Variants in VGF observed in about 807,000 individuals in gnomAD.
VGF encodes neurosecretory protein VGF.
Under a neutral mutation model 41.1 loss-of-function variants are expected in VGF, and 13 were observed. The observed-to-expected ratio is 0.32, with a 90% CI of 0.21 to 0.50. The LOEUF (loss-of-function observed/expected upper bound fraction) is 0.50. Among genes scored for constraint, VGF ranks in the 20% least tolerant of loss-of-function variants. The probability of loss-of-function intolerance (pLI) is 0.98; values close to 1 mark genes in which losing one functional copy is unlikely to be tolerated. For missense variants in VGF, 920 were observed against 882.1 expected (o/e 1.04, Z -0.54); for synonymous variants, 473 against 418.3 (o/e 1.13, Z -1.60).
Position 101,164,699 on chromosome 7 carries a change from G to T in VGF, c.145C>A (p.Pro49Thr). Reference protein sequence around the residue: ...HKEPVAGDAVPGPKDGSAPEV... With the variant: ...HKEPVAGDAVTGPKDGSAPEV... ...GGGGCGCTGCCATCCTTTGGCCCGG[G>T]CACTGCGTCCCCGGCTACCGGCTCT... Residue 49 changes from proline to threonine, a missense_variant, in exon 2 of 2, where the codon CCC (proline) becomes ACC (threonine). Physicochemically the swap from Pro to Thr is conservative, Grantham distance 38. Transcript: ENST00000249330. 1 of 1,605,368 alleles carries T rather than the reference G, an allele frequency of 6.2e-7. No homozygotes were observed.
chr7:101,165,658 C>T, upstream of VGF: 1 of 985,376 alleles, frequency 1.0e-6, no homozygotes, highest in East Asian at 1.1e-4. Flanking sequence ...AATGTTCATT[C>T]ATGGGGAAGC....
Position 101,162,960 on chromosome 7 carries a change from GGCGGGGGCGC to G in VGF, c.*26_*35del, listed in dbSNP as rs764988113. ...GAGGGGGGCGCCGGCGCGCGCGCGC[GGCGGGGGCGC>G]GCGGGGGCGGGACCGGGAAGGGCAG... On this transcript the variant is annotated 3_prime_UTR_variant, in exon 2 of 2. Transcript: ENST00000249330. The surrounding 1 kb of genome is among the most constrained non-coding windows in gnomAD (Gnocchi z 4.2). 5.0e-5 allele frequency: 57 copies of G among 1,136,790 alleles called. 1 individual carries two copies. The highest frequency in any genetic ancestry group is 4.4e-4 in the South Asian group (16 of 36,016). 70.4% of individuals were successfully genotyped at this position (1,136,790 alleles called of 1,614,324 possible).
In VGF at chr7:101,163,636, A is replaced by T. The variant is rs763287090; in HGVS notation, c.1208T>A (p.Leu403His). 1 of 1,543,702 alleles carries T rather than the reference A, an allele frequency of 6.5e-7. No homozygotes were observed. Among genetic ancestry groups the T allele is most frequent in the South Asian group, 1.2e-5 (1 of 84,884 alleles). The change falls in exon 2 of 2, where the codon CTC becomes CAC. Residue 403 changes from leucine to histidine, a missense_variant. Leu to His is a moderately conservative substitution (Grantham distance 99, BLOSUM62 -3). Coordinates refer to ENST00000249330, the MANE Select transcript of VGF (RefSeq NM_003378.4). The surrounding 1 kb of genome is among the most constrained non-coding windows in gnomAD (Gnocchi z 5.0). ...EEAERARQNA[L>H]LFAEEEDGEA... ...CCCGTCCTCCTCCTCCGCGAACAGG[A>T]GCGCGTTCTGCCGCGCCCTCTCCGC...
chr7:101,163,387 G>T lies in VGF; in HGVS notation c.1457C>A (p.Ala486Asp). ...VEEKRKRKKNAPPEPVPPPRA... is the reference protein window; with the variant it reads ...VEEKRKRKKNDPPEPVPPPRA... ...GGGGGGCGGCACGGGCTCGGGAGGG[G>T]CGTTCTTCTTCCGCTTCCGCTTCTC... The change falls in exon 2 of 2, where the codon GCC becomes GAC. Residue 486 changes from alanine (A) to aspartate (D), a missense_variant. Physicochemically the swap from Ala to Asp is moderately radical, Grantham distance 126. Coordinates refer to ENST00000249330, the MANE Select transcript of VGF (RefSeq NM_003378.4). The surrounding 1 kb of genome is among the most constrained non-coding windows in gnomAD (Gnocchi z 5.0). 1 of 1,595,152 alleles carries T rather than the reference G, an allele frequency of 6.3e-7. No individual in the cohort carries two copies. Among genetic ancestry groups the T allele is most frequent in the Non-Finnish European group, 8.5e-7 (1 of 1,177,610 alleles).
In VGF at chr7:101,164,643, C is replaced by A. The variant is rs764198367; in HGVS notation, c.201G>T (p.Pro67=). The change falls in exon 2 of 2, where the codon CCG becomes CCT. Residue 67 remains proline (P), a synonymous_variant. Transcript: ENST00000249330. The part of the protein sequence containing the change: ...PEVRGARNSE[P]QDEGELFQGV... ...CCTGGAAAAGCTCTCCCTCGTCCTG[C>A]GGCTCGGAATTCCGAGCGCCTCGGA... is the stretch of plus-strand genomic sequence containing the variant. 2 of 1,594,160 alleles carry A rather than the reference C, an allele frequency of 1.3e-6. No homozygotes were observed. The highest frequency in any genetic ancestry group is 1.7e-4 in the Middle Eastern group (1 of 6,004).
In VGF at chr7:101,164,808, G is replaced by T; in HGVS notation, c.36C>A (p.Phe12Leu). ...CTAACCCGTTGATCAGCAGAAGGCA[G>T]AAGAGGGCGGAAGCCGACAATCTGA... ...KALRLSASAL[F>L]CLLLINGLGA... is the part of the protein sequence containing the mutation. Residue 12 changes from phenylalanine (F) to leucine (L), a missense_variant, in exon 2 of 2, where the codon TTC becomes TTA. This residue lies in a region of VGF where 654 missense variants were observed against 638.4 expected (regional missense o/e 1.02). Transcript: ENST00000249330. 1 of 1,575,920 alleles carries T rather than the reference G, an allele frequency of 6.3e-7. No homozygotes were observed. Among genetic ancestry groups the T allele is most frequent in the Non-Finnish European group, 8.6e-7 (1 of 1,156,934 alleles).
Position 101,164,164 on chromosome 7 carries a change from G to A in VGF, c.680C>T (p.Ala227Val), listed in dbSNP as rs1260876569. The A allele has an allele frequency of 2.0e-6, 3 of 1,510,710 alleles. No homozygotes were observed. Among genetic ancestry groups the A allele is most frequent in the Non-Finnish European group, 1.8e-6 (2 of 1,137,420 alleles). 93.6% of individuals were successfully genotyped at this position (1,510,710 alleles called of 1,614,324 possible). The change falls in exon 2 of 2, where the codon GCC becomes GTC. Residue 227 changes from alanine (A) to valine (V), a missense_variant. Physicochemically the swap from Ala to Val is moderately conservative, Grantham distance 64. This residue lies in a region of VGF where 654 missense variants were observed against 638.4 expected (regional missense o/e 1.02). Coordinates refer to ENST00000249330, the MANE Select transcript of VGF (RefSeq NM_003378.4). Reference sequence around the variant, plus strand: ...CATACGCGCCTGGAATTGAGAGGGGGCCGGGGGCGGCAGGGGCGCGCGCTC... The same window carrying A: ...CATACGCGCCTGGAATTGAGAGGGGACCGGGGGCGGCAGGGGCGCGCGCTC... ...VPERAPLPPP[A>V]PSQFQARMPD...
chr7:101,163,824 C>A lies in VGF; in HGVS notation c.1020G>T (p.Gly340=). 1 of 1,531,486 alleles carries A rather than the reference C, an allele frequency of 6.5e-7. No individual in the cohort carries two copies. The highest frequency in any genetic ancestry group is 8.7e-7 in the Non-Finnish European group (1 of 1,144,682). 94.9% of individuals were successfully genotyped at this position (1,531,486 alleles called of 1,614,324 possible). Residue 340 remains glycine (G), a synonymous_variant, in exon 2 of 2, where the codon GGG becomes GGT. Coordinates refer to ENST00000249330, the MANE Select transcript of VGF (RefSeq NM_003378.4). This position sits in a 1 kb window ranked among gnomAD's most constrained non-coding sequence, Gnocchi z 5.0. The stretch of plus-strand genomic sequence containing the variant: ...GACCCCCGAGGCCGCGCTGCCGGGC[C>A]CCGCCCTGCAGCAAATACTGGAGCA... ...DLLLQYLLQG[G]ARQRGLGGRG...
At chr7:101,168,704 G>A (rs1028771236), upstream of VGF, among the ~76,000 whole-genome samples, 6 of 152,138 alleles carry the variant, frequency 3.9e-5, no homozygotes, top group Non-Finnish European at 7.4e-5. Flanking sequence ...GTCCAGCATC[G>A]TAGGGTTCCA....
chr7:101,166,823 G>GCA (rs1797227335), upstream of VGF, among the ~76,000 whole-genome samples: 1 of 144,518 alleles, frequency 6.9e-6, no homozygotes, highest in African/African-American at 2.6e-5. Context: ...AGGAGAGGGT[G>GCA]GCAAGGGGGG....
In VGF at chr7:101,163,819, C is replaced by T. The variant is rs953144972; in HGVS notation, c.1025G>A (p.Arg342Gln). 8.5e-6 allele frequency: 13 copies of T among 1,531,290 alleles called. No homozygotes were observed. The highest frequency in any genetic ancestry group is 1.0e-5 in the Non-Finnish European group (12 of 1,144,254). 94.9% of individuals were successfully genotyped at this position (1,531,290 alleles called of 1,614,324 possible). A position where few individuals can be genotyped will look rare whatever the true frequency, so the allele number is the denominator to read the frequency against. Reference protein sequence around the residue: ...LLQYLLQGGARQRGLGGRGLQ... With the variant: ...LLQYLLQGGAQQRGLGGRGLQ... ...CCCCCGACCCCCGAGGCCGCGCTGCCGGGCCCCGCCCTGCAGCAAATACTG... is the reference window on the plus strand; with the variant it reads ...CCCCCGACCCCCGAGGCCGCGCTGCTGGGCCCCGCCCTGCAGCAAATACTG... Residue 342 changes from arginine to glutamine, a missense_variant, in exon 2 of 2, where the codon CGG becomes CAG. Arg to Gln is a conservative substitution (Grantham distance 43). Around this residue, in one of 3 missense-constraint regions of VGF, gnomAD observed 654 missense variants for 638.4 expected, o/e 1.02. Coordinates refer to ENST00000249330, the MANE Select transcript of VGF (RefSeq NM_003378.4). The surrounding 1 kb of genome is among the most constrained non-coding windows in gnomAD (Gnocchi z 5.0).
At chr7:101,168,266 A>G (rs1432287989), upstream of VGF, among the ~76,000 whole-genome samples, 1 of 151,988 alleles carries the variant, frequency 6.6e-6, no homozygotes, top group African/African-American at 2.4e-5. Context: ...GTCGTGAGGG[A>G]GCGGGGTGGA....
In VGF at chr7:101,162,962, C is replaced by T. The variant is rs1329913517; in HGVS notation, c.*34G>A. On this transcript the variant is annotated 3_prime_UTR_variant, in exon 2 of 2. Transcript: ENST00000249330. The surrounding 1 kb of genome is among the most constrained non-coding windows in gnomAD (Gnocchi z 4.2). ...GGGGGGCGCCGGCGCGCGCGCGCGGCGGGGGCGCGCGGGGGCGGGACCGGG... is the reference window on the plus strand; with the variant it reads ...GGGGGGCGCCGGCGCGCGCGCGCGGTGGGGGCGCGCGGGGGCGGGACCGGG... The T allele has an allele frequency of 5.3e-6, 6 of 1,131,844 alleles. No homozygotes were observed. The African/African-American group carries it at 1.0e-4, about 19-fold the overall frequency. 70.1% of individuals were successfully genotyped at this position (1,131,844 alleles called of 1,614,324 possible).
At chr7:101,167,350 CTG>C (rs1173089940), upstream of VGF, among the ~76,000 whole-genome samples, 1 of 152,054 alleles carries the variant, frequency 6.6e-6, no homozygotes, top group Non-Finnish European at 1.5e-5. This position sits in a 1 kb window ranked among gnomAD's most constrained non-coding sequence, Gnocchi z 4.2. Flanking sequence ...GAAAAAAAAA[CTG>C]AGAACCAAGG....
Position 101,163,223 on chromosome 7 carries a change from C to T in VGF, c.1621G>A (p.Gly541Arg). 2 of 1,539,476 alleles carry T rather than the reference C, an allele frequency of 1.3e-6. No homozygotes were observed. The highest frequency in any genetic ancestry group is 1.7e-6 in the Non-Finnish European group (2 of 1,147,606). Residue 541 changes from glycine to arginine, a missense_variant, in exon 2 of 2, where the codon GGG (glycine) becomes AGG (arginine). Around this residue, in one of 3 missense-constraint regions of VGF, gnomAD observed 257 missense variants for 217.2 expected, o/e 1.18. Transcript: ENST00000249330. The surrounding 1 kb of genome is among the most constrained non-coding windows in gnomAD (Gnocchi z 5.0). ...TAGTTGGGGAAAGGGTGGTACGGCC[C>T]TGGCGGGTACACCTCGTCCTCCTCC... ...DREEDEVYPP[G>R]PYHPFPNYIR...
chr7:101,162,559 A>G lies in VGF; in HGVS notation c.*437T>C, dbSNP rs1190963020. 1.5e-5 allele frequency: 4 copies of G among 267,378 alleles called. No individual in the cohort carries two copies. The highest frequency in any genetic ancestry group is 2.2e-5 in the Non-Finnish European group (3 of 134,108). 16.6% of individuals were successfully genotyped at this position (267,378 alleles called of 1,614,324 possible). A position where few individuals can be genotyped will look rare whatever the true frequency, so the allele number is the denominator to read the frequency against. On this transcript the variant is annotated 3_prime_UTR_variant, in exon 2 of 2. Coordinates refer to ENST00000249330, the MANE Select transcript of VGF (RefSeq NM_003378.4). This position sits in a 1 kb window ranked among gnomAD's most constrained non-coding sequence, Gnocchi z 4.2. Reference sequence around the variant, plus strand: ...TCTTAGCAAAACTATTTCCTCCGTGAGGGGTATTTACAACAGAGAAAGGAA... The same window carrying G: ...TCTTAGCAAAACTATTTCCTCCGTGGGGGGTATTTACAACAGAGAAAGGAA...
Position 101,163,623 on chromosome 7 carries a change from C to T in VGF, c.1221G>A (p.Glu407=), listed in dbSNP as rs370439816. Residue 407 remains glutamate, a synonymous_variant, in exon 2 of 2, where the codon GAG becomes GAA. Transcript: ENST00000249330. This position sits in a 1 kb window ranked among gnomAD's most constrained non-coding sequence, Gnocchi z 5.0. ...RARQNALLFA[E]EEDGEAGAED... ...CGGCGCCGGCTTCCCCGTCCTCCTC[C>T]TCCGCGAACAGGAGCGCGTTCTGCC... The T allele has an allele frequency of 1.0e-4, 160 of 1,548,600 alleles. No homozygotes were observed. Among genetic ancestry groups the T allele is most frequent in the Non-Finnish European group, 1.1e-4 (127 of 1,149,724 alleles).
At chr7:101,169,798 G>C (rs1489848015), upstream of VGF, among the ~76,000 whole-genome samples, 1 of 152,186 alleles carries the variant, frequency 6.6e-6, no homozygotes, top group Non-Finnish European at 1.5e-5. Context: ...TGATTCTGGG[G>C]TACACCAGGC....
Position 101,162,660 on chromosome 7 carries a change from A to C in VGF, c.*336T>G. The stretch of plus-strand genomic sequence containing the variant: ...GGCCCGAAGGGCTGGAGACAGACAC[A>C]CTTCACACAATTAACTGGAACTGCT... On this transcript the variant is annotated 3_prime_UTR_variant, in exon 2 of 2. Transcript: ENST00000249330. This position sits in a 1 kb window ranked among gnomAD's most constrained non-coding sequence, Gnocchi z 4.2. The C allele has an allele frequency of 4.7e-6, 2 of 421,710 alleles. No homozygotes were observed. The highest frequency in any genetic ancestry group is 9.2e-6 in the Non-Finnish European group (2 of 216,628). The allele number at this position is 421,710 out of a possible 1,614,324, so 26.1% of individuals were successfully genotyped here.
Sources: allele counts gnomAD v4.1 joint callset (sites outside exome capture counted in the v4.1 genomes callset), GRCh38; gene constraint gnomAD v4.1.1; regional missense constraint gnomAD v4.1.1; non-coding constraint Gnocchi (gnomAD v3.1); transcripts MANE v1.5; gene names NCBI Gene and HGNC (gene_info 2026-07-23, HGNC 2026-07-21).